The following TRIM44 variants were observed in gnomAD, a reference collection of about 807,000 sequenced individuals.
TRIM44 encodes the protein tripartite motif-containing protein 44.
A neutral mutation model predicts 37.4 loss-of-function variants in TRIM44; 13 were observed. That is an observed-to-expected ratio of 0.35 (90% CI 0.23 to 0.55). TRIM44 has a LOEUF of 0.55. TRIM44 is among the 20% of genes least tolerant of loss of function. The pLI is 0.89. For synonymous variants in TRIM44, 175 were observed against 157.2 expected, an observed-to-expected ratio of 1.11 and a Z score of -0.85; for missense variants, 426 against 437.2, an observed-to-expected ratio of 0.97 and a Z score of 0.23.
intron 4 of TRIM44, among the ~76,000 whole-genome samples, chr11:35,751,066 G>T (rs1396443188): frequency 6.6e-6 from 1 of 152,048 alleles, no homozygotes; most frequent in East Asian, 1.9e-4. Context: ...TGGTACCACT[G>T]TAAAACAAGC....
intron 2 of TRIM44, among the ~76,000 whole-genome samples, chr11:35,694,588 A>G (rs1056884769): frequency 3.9e-5 from 6 of 152,128 alleles, no homozygotes; most frequent in Admixed American, 3.3e-4. Context: ...AAGAAAAAAT[A>G]TTCAAAGATA....
intron 2 of TRIM44, among the ~76,000 whole-genome samples, chr11:35,722,968 C>T (rs1852126742): frequency 1.3e-5 from 2 of 152,100 alleles, no homozygotes; most frequent in Non-Finnish European, 2.9e-5. Flanking sequence ...CTCAGCAATA[C>T]TTTTCTGAAA....
chr11:35,688,130 A>T (rs1851601671), intron 2 of TRIM44, among the ~76,000 whole-genome samples: 1 of 152,116 alleles, frequency 6.6e-6, no homozygotes, highest in Non-Finnish European at 1.5e-5. Flanking sequence ...CCCCTTTTTG[A>T]GTTGGCCTAT....
chr11:35,745,841 G>C (rs1852481522), intron 4 of TRIM44, among the ~76,000 whole-genome samples: 1 of 152,054 alleles, frequency 6.6e-6, no homozygotes, highest in African/African-American at 2.4e-5. Flanking sequence ...AGAGTACCTG[G>C]AGAAAACCCA....
chr11:35,697,737 AATG>A (rs1228640655), intron 2 of TRIM44, among the ~76,000 whole-genome samples: 1 of 151,526 alleles, frequency 6.6e-6, no homozygotes, highest in East Asian at 1.9e-4. Flanking sequence ...GTTTGTTGAG[AATG>A]ATGGTTTCCA....
At chr11:35,745,818 G>A (rs1852481196) in intron 4 of TRIM44, among the ~76,000 whole-genome samples, 1 of 152,098 alleles carries the variant, frequency 6.6e-6, no homozygotes, top group Non-Finnish European at 1.5e-5. Context: ...TCTTTGAGAT[G>A]TGGGAGGAAA....
intron 2 of TRIM44, among the ~76,000 whole-genome samples, chr11:35,710,014 G>C (rs560531582): frequency 2.6e-5 from 4 of 152,270 alleles, no homozygotes; most frequent in East Asian, 3.9e-4. Context: ...GAAACAGCTG[G>C]ATTCATTACA....
At chr11:35,788,306 G>A (rs1452648728) in intron 4 of TRIM44, among the ~76,000 whole-genome samples, 1 of 152,204 alleles carries the variant, frequency 6.6e-6, no homozygotes, top group Non-Finnish European at 1.5e-5. Flanking sequence ...CTTGTTAACA[G>A]CCATTTAAAC....
Position 35,663,648 on chromosome 11 carries a change from T to C in TRIM44, c.537T>C (p.Cys179=), listed in dbSNP as rs756694211. 4 of 1,614,028 alleles carry C rather than the reference T, an allele frequency of 2.5e-6. No homozygotes were observed. The highest frequency in any genetic ancestry group is 3.4e-6 in the Non-Finnish European group (4 of 1,179,992). The change falls in exon 1 of 5, where the codon TGT becomes TGC. Residue 179 remains cysteine (C), a synonymous_variant. Transcript: ENST00000299413. ...MEAERVAKRK[C]PDHGLDLSTY... is the part of the protein sequence containing the mutation. ...CAGAGAGAGTGGCCAAGAGGAAGTGTCCGGACCATGGGCTTGATTTGAGTA... is the reference window on the plus strand; with the variant it reads ...CAGAGAGAGTGGCCAAGAGGAAGTGCCCGGACCATGGGCTTGATTTGAGTA...
intron 4 of TRIM44, among the ~76,000 whole-genome samples, chr11:35,752,795 C>G (rs1852575029): frequency 2.6e-5 from 4 of 152,192 alleles, no homozygotes; most frequent in Admixed American, 6.5e-5. Flanking sequence ...TTTCACATGA[C>G]TCGTTCTCTC....
chr11:35,709,647 G>A (rs1851940985), intron 2 of TRIM44, among the ~76,000 whole-genome samples: 1 of 152,072 alleles, frequency 6.6e-6, no homozygotes, highest in Admixed American at 6.6e-5. Context: ...AACTCGGAGA[G>A]CTCAAAATGC....
chr11:35,664,743 C>G (rs1565400403), intron 1 of TRIM44, among the ~76,000 whole-genome samples: 1 of 152,158 alleles, frequency 6.6e-6, no homozygotes, highest in African/African-American at 2.4e-5. Context: ...AACTTACAGT[C>G]TAACAAATAA....
chr11:35,802,373 C>A (rs1185376470), intron 4 of TRIM44, among the ~76,000 whole-genome samples: 1 of 152,110 alleles, frequency 6.6e-6, no homozygotes, highest in African/African-American at 2.4e-5. Flanking sequence ...AAAATTGTTA[C>A]ATGCTAAGAT....
chr11:35,717,687 C>T (rs1415351692), intron 2 of TRIM44, among the ~76,000 whole-genome samples: 1 of 152,108 alleles, frequency 6.6e-6, no homozygotes, highest in Non-Finnish European at 1.5e-5. Flanking sequence ...AAAACTGTGC[C>T]TCTGAGAACC....
intron 2 of TRIM44, among the ~76,000 whole-genome samples, chr11:35,719,784 C>T (rs1226859368): frequency 6.6e-6 from 1 of 152,066 alleles, no homozygotes; most frequent in Non-Finnish European, 1.5e-5. Context: ...CTAGTTGTTC[C>T]AGCACCATTT....
rs922602844 is a variant in TRIM44, at chr11:35,704,740, T to C, written c.747+19404T>C. 3.9e-4 allele frequency among the ~76,000 whole-genome samples: 59 copies of C among 152,086 alleles called. 1 individual carries two copies. The highest frequency in any genetic ancestry group is 7.1e-4 in the Non-Finnish European group (48 of 68,020). On this transcript the variant is annotated intron_variant, in intron 2 of 4. Transcript: ENST00000299413. ...AGATTTTGTCACCACCAGGCCTGCCTTACAAGAGCTCCTGAAGGAAGCACT... is the reference window on the plus strand; with the variant it reads ...AGATTTTGTCACCACCAGGCCTGCCCTACAAGAGCTCCTGAAGGAAGCACT...
chr11:35,699,060 GT>G (rs1227353392), intron 2 of TRIM44, among the ~76,000 whole-genome samples: 4 of 147,624 alleles, frequency 2.7e-5, no homozygotes, highest in South Asian at 2.2e-4. Flanking sequence ...CCCATCTCTT[GT>G]TTTTGTCAGG....
chr11:35,800,339 G>A (rs996268645), intron 4 of TRIM44, among the ~76,000 whole-genome samples: 1 of 152,170 alleles, frequency 6.6e-6, no homozygotes, highest in East Asian at 1.9e-4. Flanking sequence ...AAGGGGACCC[G>A]AGTGGGTTGC....
chr11:35,814,897 A>T lies in TRIM44; in HGVS notation c.*8512A>T, dbSNP rs186495786. 1 of 152,146 alleles carries T rather than the reference A, an allele frequency of 6.6e-6. No homozygotes were observed. The highest frequency in any genetic ancestry group is 1.5e-5 in the Non-Finnish European group (1 of 68,072). The allele number at this position is 152,146 out of a possible 1,614,324, so 9.4% of individuals were successfully genotyped here. A position where few individuals can be genotyped will look rare whatever the true frequency, so the allele number is the denominator to read the frequency against. On this transcript the variant is annotated 3_prime_UTR_variant, in exon 5 of 5. Coordinates refer to ENST00000299413, the MANE Select transcript of TRIM44 (RefSeq NM_017583.6). ...GAAAACGAGGAGGGAGGGAGAGGGA[A>T]ATTGTCCACCACTTCCCAATGATAA...
Sources: gnomAD v4.1 joint callset for allele counts (sites outside exome capture counted in the v4.1 genomes callset) on GRCh38, gnomAD v4.1.1 for gene constraint, MANE v1.5 for transcripts, NCBI Gene and HGNC (gene_info 2026-07-23, HGNC 2026-07-21) for gene names.